GPC5: variants seen among roughly 807,000 people sequenced by gnomAD.
GPC5 encodes the protein glypican-5.
A neutral mutation model predicts 53.9 loss-of-function variants in GPC5; 47 were observed. That is an observed-to-expected ratio of 0.87 (90% CI 0.69 to 1.11). The LOEUF (loss-of-function observed/expected upper bound fraction) is 1.11. GPC5 is among the 50% of genes most tolerant of loss of function. GPC5 has a pLI of 0.00. For synonymous variants in GPC5, 286 were observed against 263.3 expected (o/e 1.09, Z -0.84); for missense variants, 748 against 713.1 (o/e 1.05, Z -0.56).
At chr13:91,849,410 C>T (rs7328464) in intron 5 of GPC5, among the ~76,000 whole-genome samples, 20,345 of 152,118 alleles carry the variant, frequency 0.13, 1,502 homozygotes, top group African/African-American at 0.19. Flanking sequence ...ATAAACCACA[C>T]GTGGTTTAAT....
intron 5 of GPC5, among the ~76,000 whole-genome samples, chr13:91,855,690 A>G (rs891954671): frequency 2.0e-5 from 3 of 151,622 alleles, no homozygotes; most frequent in African/African-American, 7.2e-5. Flanking sequence ...GTTTCATGGT[A>G]TTTCAAAATG....
At chr13:92,423,349 GCAAA>G (rs1275531211) in intron 7 of GPC5, among the ~76,000 whole-genome samples, 2 of 152,122 alleles carry the variant, frequency 1.3e-5, no homozygotes, top group South Asian at 2.1e-4. Flanking sequence ...GGTATGCACA[GCAAA>G]CAGTTTTTGA....
intron 7 of GPC5, among the ~76,000 whole-genome samples, chr13:92,827,163 C>G (rs890632229): frequency 2.0e-5 from 3 of 151,944 alleles, no homozygotes; most frequent in Admixed American, 2.0e-4. Flanking sequence ...AGAAAGGAGA[C>G]AGGAGACAGA....
intron 6 of GPC5, among the ~76,000 whole-genome samples, chr13:92,098,859 C>T (rs2041442652): frequency 6.6e-6 from 1 of 152,094 alleles, no homozygotes; most frequent in Non-Finnish European, 1.5e-5. Flanking sequence ...ATATTGGACA[C>T]CTAACCTTCA....
In GPC5 at chr13:91,968,523, G is replaced by A. The variant is rs143660909; in HGVS notation, c.1401+60466G>A. Among the ~76,000 whole-genome samples the A allele has an allele frequency of 5.3e-3, 801 of 151,996 alleles. 12 individuals are homozygous for A. The highest frequency in any genetic ancestry group is 0.018 in the African/African-American group (746 of 41,452). On this transcript the variant is annotated intron_variant, in intron 6 of 7. Transcript: ENST00000377067. ...GTCGCCCAGGCTGGAGAGCAATGGC[G>A]CAATCTCGGCTCACTGCAACCTCCA...
intron 6 of GPC5, among the ~76,000 whole-genome samples, chr13:92,070,725 AT>A (rs970055481): frequency 2.6e-5 from 4 of 151,860 alleles, no homozygotes; most frequent in Non-Finnish European, 5.9e-5. Flanking sequence ...TAAAACATCC[AT>A]TTTTTTCTTT....
At chr13:92,514,580 G>A (rs934557496) in intron 7 of GPC5, among the ~76,000 whole-genome samples, 7 of 152,156 alleles carry the variant, frequency 4.6e-5, no homozygotes, top group Admixed American at 3.9e-4. Flanking sequence ...GCACATAAAG[G>A]CAAATACATG....
chr13:92,819,437 C>T (rs1255085605), intron 7 of GPC5, among the ~76,000 whole-genome samples: 2 of 152,162 alleles, frequency 1.3e-5, no homozygotes, highest in Non-Finnish European at 2.9e-5. Flanking sequence ...ACTTTAATTC[C>T]CTCATTAATA....
intron 7 of GPC5, among the ~76,000 whole-genome samples, chr13:92,257,365 A>G (rs2042733391): frequency 6.6e-6 from 1 of 151,948 alleles, no homozygotes; most frequent in Non-Finnish European, 1.5e-5. Context: ...ATAATATGTG[A>G]TACTTAGGTA....
intron 5 of GPC5, among the ~76,000 whole-genome samples, chr13:91,757,287 A>G (rs1418312636): frequency 6.6e-6 from 1 of 152,128 alleles, no homozygotes. Flanking sequence ...TTTTATTTGT[A>G]CATTTTACAT....
intron 6 of GPC5, among the ~76,000 whole-genome samples, chr13:91,953,135 A>G (rs1197470225): frequency 6.6e-6 from 1 of 152,190 alleles, no homozygotes; most frequent in African/African-American, 2.4e-5. Context: ...GTCAAGATTT[A>G]TGGCTTACAT....
intron 5 of GPC5, among the ~76,000 whole-genome samples, chr13:91,904,927 T>C (rs1236842383): frequency 6.6e-6 from 1 of 152,000 alleles, no homozygotes; most frequent in Non-Finnish European, 1.5e-5. Context: ...TAATGAGGGA[T>C]CTGCATTAGC....
At chr13:92,422,140 T>C (rs1000127697) in intron 7 of GPC5, among the ~76,000 whole-genome samples, 1 of 150,252 alleles carries the variant, frequency 6.7e-6, no homozygotes, top group Non-Finnish European at 1.5e-5. Context: ...CCATTTTTTT[T>C]CAAGCCCTGC....
chr13:92,836,159 G>A (rs1049741591), intron 7 of GPC5, among the ~76,000 whole-genome samples: 3 of 151,864 alleles, frequency 2.0e-5, no homozygotes, highest in Non-Finnish European at 4.4e-5. Context: ...AAAGTTTTTA[G>A]TGTTTGTATT....
chr13:92,099,374 T>C (rs1017783416), intron 6 of GPC5, among the ~76,000 whole-genome samples: 2 of 152,196 alleles, frequency 1.3e-5, no homozygotes, highest in Non-Finnish European at 2.9e-5. Context: ...TATTGAGCAA[T>C]CTTTGTGCCC....
chr13:91,432,547 A>G (rs1879579186), intron 1 of GPC5, among the ~76,000 whole-genome samples: 1 of 152,172 alleles, frequency 6.6e-6, no homozygotes, highest in African/African-American at 2.4e-5. Context: ...TAGCTCTTCT[A>G]TCTGTGAATA....
chr13:92,205,551 G>T (rs1445744796), intron 7 of GPC5, among the ~76,000 whole-genome samples: 1 of 152,152 alleles, frequency 6.6e-6, no homozygotes, highest in Admixed American at 6.5e-5. Flanking sequence ...ACAAAATTCA[G>T]ACCTCTCTTT....
At chr13:92,204,262 C>T (rs1285812824) in intron 7 of GPC5, among the ~76,000 whole-genome samples, 2 of 152,138 alleles carry the variant, frequency 1.3e-5, no homozygotes. Flanking sequence ...TGAACATTGA[C>T]TTGCATAAAA....
intron 7 of GPC5, among the ~76,000 whole-genome samples, chr13:92,770,708 C>T (rs1875581172): frequency 6.6e-6 from 1 of 152,148 alleles, no homozygotes; most frequent in South Asian, 2.1e-4. Context: ...TGGACATCTT[C>T]CTCTCCAACT....
Sources: allele counts gnomAD v4.1 joint callset (sites outside exome capture counted in the v4.1 genomes callset), GRCh38; gene constraint gnomAD v4.1.1; transcripts MANE v1.5; gene names NCBI Gene and HGNC (gene_info 2026-07-23, HGNC 2026-07-21).